Variants in TDRD5 observed in about 807,000 individuals in gnomAD.
TDRD5 encodes tudor domain-containing protein 5.
Under a neutral mutation model 120.6 loss-of-function variants are expected in TDRD5, and 41 were observed. The observed-to-expected ratio is 0.34, with a 90% CI of 0.26 to 0.44. The LOEUF is 0.44. Ranked by LOEUF, TDRD5 falls within the 20% of genes least tolerant of loss-of-function variation. TDRD5 has a pLI of 1.00. For synonymous variants in TDRD5, 430 were observed against 433.7 expected (o/e 0.99, Z 0.11); for missense variants, 1,006 against 1,221.2 (o/e 0.82, Z 2.63).
chr1:179,662,333 G>A lies in TDRD5; in HGVS notation c.2505+47G>A, dbSNP rs370237897. 26 of 1,564,556 alleles carry A rather than the reference G, an allele frequency of 1.7e-5. No homozygotes were observed. The African/African-American group carries it at 2.5e-4, about 15-fold the overall frequency. Reference sequence around the variant, plus strand: ...AAAGCAAATCAGGCCGGGCACTGCGGCTCAAGCCTGTAATCCTAGCAGTTT... The same window carrying A: ...AAAGCAAATCAGGCCGGGCACTGCGACTCAAGCCTGTAATCCTAGCAGTTT... On this transcript the variant is annotated intron_variant, in intron 15 of 17. Coordinates refer to ENST00000444136, the MANE Select transcript of TDRD5 (RefSeq NM_001199085.3).
At chr1:179,631,784 CA>C (rs1003874194) in intron 7 of TDRD5, among the ~76,000 whole-genome samples, 4 of 149,098 alleles carry the variant, frequency 2.7e-5, no homozygotes, top group African/African-American at 9.8e-5. Context: ...CCAGTTTTTC[CA>C]AGAATGTCTT....
intron 17 of TDRD5, among the ~76,000 whole-genome samples, chr1:179,687,820 T>G (rs1680818693): frequency 6.6e-6 from 1 of 151,888 alleles, no homozygotes; most frequent in Admixed American, 6.6e-5. Flanking sequence ...TCTCTTTTGA[T>G]CTTTGTTGGT....
At chr1:179,663,575 A>G (rs1239106712) in intron 16 of TDRD5, 84 bp downstream of exon 16, 3 of 1,483,086 alleles carry the variant, frequency 2.0e-6, no homozygotes, top group Non-Finnish European at 2.7e-6. Context: ...CTCAATTTAC[A>G]TATTTTGATA....
intron 6 of TDRD5, among the ~76,000 whole-genome samples, chr1:179,622,775 A>G (rs1353039545): frequency 5.9e-5 from 9 of 152,186 alleles, no homozygotes; most frequent in Non-Finnish European, 1.3e-4. Flanking sequence ...ATAAAACCAA[A>G]TGGCCTAATG....
chr1:179,595,234 A>G (rs1359032522), intron 3 of TDRD5, among the ~76,000 whole-genome samples: 2 of 152,130 alleles, frequency 1.3e-5, no homozygotes, highest in African/African-American at 4.8e-5. Context: ...TCATCCTCCC[A>G]GAACTGTGGT....
rs923598755 is a variant in TDRD5 at position 179,628,331 on chromosome 1, T to C, written c.973-2436T>C. 3.6e-4 allele frequency among the ~76,000 whole-genome samples: 49 copies of C among 137,642 alleles called. 1 individual carries two copies. Among genetic ancestry groups the C allele is most frequent in the Middle Eastern group, 7.0e-3 (2 of 286 alleles). The allele number at this position is 137,642 out of a possible 152,430, so 90.3% of individuals were successfully genotyped here. A position where few individuals can be genotyped will look rare whatever the true frequency, so the allele number is the denominator to read the frequency against. ...TTTCTTTTCTTTTCTTTTCTTTTTT[T>C]TTTTTTTTTTTTTTTTTTTAAGACG... is the stretch of plus-strand genomic sequence containing the variant. On this transcript the variant is annotated intron_variant, in intron 6 of 17. Coordinates refer to ENST00000444136, the MANE Select transcript of TDRD5 (RefSeq NM_001199085.3).
At position 179,690,772 on chromosome 1, in the gene TDRD5, T is replaced by C; in HGVS notation, c.2937T>C (p.Arg979=). Reference sequence around the variant, plus strand: ...CTATTACATTGTACAAAGACAAGCGTCAAGAATCTGTAGACCAGCTGTCTT... The same window carrying C: ...CTATTACATTGTACAAAGACAAGCGCCAAGAATCTGTAGACCAGCTGTCTT... ...SRAITLYKDK[R]QESVDQLSLI... Residue 979 remains arginine, a synonymous_variant, in exon 18 of 18, where the codon CGT becomes CGC. Transcript: ENST00000444136. The C allele has an allele frequency of 6.2e-7, 1 of 1,614,230 alleles. No homozygotes were observed. The highest frequency in any genetic ancestry group is 8.5e-7 in the Non-Finnish European group (1 of 1,180,036).
chr1:179,624,584 G>A (rs148436088), intron 6 of TDRD5, among the ~76,000 whole-genome samples: 43 of 152,196 alleles, frequency 2.8e-4, no homozygotes, highest in African/African-American at 9.1e-4. Flanking sequence ...GTTAGTATAC[G>A]GAAATCAATG....
chr1:179,658,210 C>T (rs958714488), intron 14 of TDRD5, among the ~76,000 whole-genome samples: 4 of 152,042 alleles, frequency 2.6e-5, no homozygotes, highest in South Asian at 2.1e-4. Context: ...ATATATACCA[C>T]GTTTTCTTTA....
At chr1:179,675,255 TTTATTATTA>T (rs1219898193) in intron 17 of TDRD5, among the ~76,000 whole-genome samples, 1 of 116,458 alleles carries the variant, frequency 8.6e-6, no homozygotes, top group Non-Finnish European at 1.7e-5. Flanking sequence ...TCAAAGAATT[TTTATTATTA>T]TTATTATTAT....
chr1:179,607,604 T>G (rs917979270), intron 4 of TDRD5, among the ~76,000 whole-genome samples: 3 of 152,012 alleles, frequency 2.0e-5, no homozygotes, highest in Admixed American at 1.3e-4. Context: ...TATTTTTAAC[T>G]TATCACAATT....
intron 4 of TDRD5, among the ~76,000 whole-genome samples, chr1:179,618,194 C>T (rs996407197): frequency 6.6e-6 from 1 of 152,176 alleles, no homozygotes; most frequent in African/African-American, 2.4e-5. Flanking sequence ...CCAGTTGTCC[C>T]ACCGTCCAGG....
intron 17 of TDRD5, among the ~76,000 whole-genome samples, chr1:179,687,752 G>T (rs1680811301): frequency 6.6e-6 from 1 of 152,074 alleles, no homozygotes; most frequent in Admixed American, 6.6e-5. Context: ...ATATATTTAG[G>T]ATAGTTAGCT....
intron 6 of TDRD5, among the ~76,000 whole-genome samples, chr1:179,623,645 T>A (rs1410717662): frequency 6.9e-6 from 1 of 145,884 alleles, no homozygotes; most frequent in Non-Finnish European, 1.5e-5. Context: ...TTTTTTTTTT[T>A]TTCCTTTTAA....
At chr1:179,655,480 T>C (rs1348976084) in intron 14 of TDRD5, among the ~76,000 whole-genome samples, 5 of 152,246 alleles carry the variant, frequency 3.3e-5, no homozygotes, top group East Asian at 1.9e-4. Flanking sequence ...TAAAATTGAC[T>C]GTTTTGGTGT....
intron 17 of TDRD5, among the ~76,000 whole-genome samples, chr1:179,684,186 A>G (rs904908571): frequency 2.0e-5 from 3 of 152,140 alleles, no homozygotes; most frequent in East Asian, 1.9e-4. Context: ...TCCTAATGCT[A>G]TCCCTCCCTG....
chr1:179,592,360 G>C lies in TDRD5; in HGVS notation c.-15+235G>C, dbSNP rs1572313264. ...AGTCCAACACCCGACAGGAACCCCA[G>C]TTAACGCCTCCGCATGGCCAGGGGC... is the stretch of plus-strand genomic sequence containing the variant. On this transcript the variant is annotated intron_variant, in intron 1 of 17. Coordinates refer to ENST00000444136, the MANE Select transcript of TDRD5 (RefSeq NM_001199085.3). 9 of 437,398 alleles carry C rather than the reference G, an allele frequency of 2.1e-5. No homozygotes were observed. In the East Asian group the frequency reaches 4.1e-4, roughly 20 times the overall value. 27.1% of individuals were successfully genotyped at this position (437,398 alleles called of 1,614,324 possible). A position where few individuals can be genotyped will look rare whatever the true frequency, so the allele number is the denominator to read the frequency against.
chr1:179,669,049 T>C (rs1679717307), intron 16 of TDRD5, 145 bp from the exon 17 acceptor site: 4 of 814,694 alleles, frequency 4.9e-6, no homozygotes, highest in Non-Finnish European at 7.3e-6. Context: ...CGGCTGAGAG[T>C]ATCTAGGTTC....
intron 17 of TDRD5, among the ~76,000 whole-genome samples, chr1:179,687,885 T>C (rs1418220113): frequency 1.2e-4 from 18 of 151,076 alleles, no homozygotes; most frequent in African/African-American, 4.1e-4. Flanking sequence ...TTTTTTTTTT[T>C]CCATTTGCTT....
Sources: allele counts gnomAD v4.1 joint callset (sites outside exome capture counted in the v4.1 genomes callset), GRCh38; gene constraint gnomAD v4.1.1; transcripts MANE v1.5; gene names NCBI Gene and HGNC (gene_info 2026-07-23, HGNC 2026-07-21).